DAB1: variants seen among roughly 807,000 people sequenced by gnomAD.
DAB1 encodes the protein disabled homolog 1.
In DAB1, 15 loss-of-function variants were observed where a neutral mutation model predicts 64.6. The ratio of observed to expected loss-of-function variants is 0.23; its 90% CI spans 0.16 to 0.36. The LOEUF (loss-of-function observed/expected upper bound fraction) is 0.36, where lower values mean the gene tolerates loss of function less well. DAB1 is among the 10% of genes least tolerant of loss of function. The probability of loss-of-function intolerance (pLI) is 1.00; values close to 1 mark genes in which losing one functional copy is unlikely to be tolerated. For missense variants in DAB1, 596 were observed against 706.7 expected (o/e 0.84, Z 1.78); for synonymous variants, 235 against 251.9 (o/e 0.93, Z 0.64).
At chr1:57,455,782 G>T (rs370361710) in intron 7 of DAB1, among the ~76,000 whole-genome samples, 1 of 152,054 alleles carries the variant, frequency 6.6e-6, no homozygotes, top group African/African-American at 2.4e-5. Context: ...AAAGAGAAAA[G>T]ACCCTCTCTC....
rs11805433 is a variant in DAB1 at position 57,929,489 on chromosome 1, G to T, written n.388-45327C>A. Reference sequence around the variant, plus strand: ...TCTTTCTTTTGTAAACCATGTCTTTGCTGTCACAGCTAAAATGTCATTGCC... The same window carrying T: ...TCTTTCTTTTGTAAACCATGTCTTTTCTGTCACAGCTAAAATGTCATTGCC... On this transcript the variant is annotated intron_variant and non_coding_transcript_variant, in intron 5 of 20. Transcript: ENST00000485760. 6.5e-3 allele frequency among the ~76,000 whole-genome samples: 989 copies of T among 152,212 alleles called. 8 individuals are homozygous for T. The highest frequency in any genetic ancestry group is 0.023 in the African/African-American group (935 of 41,538).
chr1:57,980,478 T>G (rs185592888), intron 5 of DAB1, among the ~76,000 whole-genome samples: 50 of 152,276 alleles, frequency 3.3e-4, no homozygotes, highest in African/African-American at 1.1e-3. Flanking sequence ...CACCAATTAG[T>G]AAATGGAAGA....
At chr1:58,060,795 C>G (rs899035424) in intron 5 of DAB1, among the ~76,000 whole-genome samples, 17 of 152,240 alleles carry the variant, frequency 1.1e-4, no homozygotes, top group Admixed American at 9.8e-4. Context: ...AACATTAGCC[C>G]GAGCAGTGTC....
intron 1 of DAB1, among the ~76,000 whole-genome samples, chr1:57,410,189 G>A (rs376975678): frequency 2.6e-5 from 4 of 152,166 alleles, no homozygotes; most frequent in East Asian, 3.9e-4. Flanking sequence ...ATGTCTCAAT[G>A]TAGAAAACTC....
At chr1:58,220,032 A>T (rs550840128) in intron 4 of DAB1, among the ~76,000 whole-genome samples, 1 of 152,372 alleles carries the variant, frequency 6.6e-6, no homozygotes, top group African/African-American at 2.4e-5. Context: ...ATTAAATGAG[A>T]TAACAGAAGT....
chr1:58,269,158 TC>T (rs1557719194), intron 4 of DAB1, among the ~76,000 whole-genome samples: 1 of 116,326 alleles, frequency 8.6e-6, no homozygotes, highest in Admixed American at 8.9e-5. Flanking sequence ...ATGCTATCCC[TC>T]CCCCCTCCCC....
intron 5 of DAB1, among the ~76,000 whole-genome samples, chr1:58,013,454 C>T (rs1646696872): frequency 6.6e-6 from 1 of 151,282 alleles, no homozygotes; most frequent in African/African-American, 2.4e-5. Flanking sequence ...GCGCCTGAGC[C>T]ACATGCTCCA....
At chr1:57,970,900 T>G (rs1380439802) in intron 5 of DAB1, among the ~76,000 whole-genome samples, 18 of 152,276 alleles carry the variant, frequency 1.2e-4, no homozygotes, top group Non-Finnish European at 1.6e-4. Context: ...ATTGACTATG[T>G]AGATTGAAAA....
intron 5 of DAB1, among the ~76,000 whole-genome samples, chr1:57,973,938 C>T (rs1395907249): frequency 4.6e-5 from 7 of 152,096 alleles, no homozygotes; most frequent in Non-Finnish European, 8.8e-5. Context: ...CCCAAAATGG[C>T]TACTCAATTT....
intron 3 of DAB1, among the ~76,000 whole-genome samples, chr1:58,371,077 A>G (rs914571413): frequency 4.6e-5 from 7 of 152,224 alleles, no homozygotes; most frequent in African/African-American, 1.7e-4. Flanking sequence ...ACAGTTTGGA[A>G]GGCTCAGAAG....
chr1:57,872,386 T>TA (rs1181103674), intron 1 of DAB1, among the ~76,000 whole-genome samples: 1 of 152,168 alleles, frequency 6.6e-6, no homozygotes, highest in Non-Finnish European at 1.5e-5. Flanking sequence ...GTGAGAGGTA[T>TA]ATCTATGAAC....
chr1:57,630,850 T>A (rs572510168), intron 7 of DAB1, among the ~76,000 whole-genome samples: 37 of 152,322 alleles, frequency 2.4e-4, no homozygotes, highest in African/African-American at 8.7e-4. Flanking sequence ...ACAATTTAAT[T>A]ATTCAAATTA....
chr1:58,180,281 C>CTTTTT (rs869204611), intron 4 of DAB1, among the ~76,000 whole-genome samples: 1,116 of 61,012 alleles, frequency 0.018, 3 homozygotes, highest in African/African-American at 0.027. Flanking sequence ...TTTTTCTTTT[C>CTTTTT]TTTTTTTTTT....
intron 5 of DAB1, among the ~76,000 whole-genome samples, chr1:57,962,156 C>T (rs1409343962): frequency 1.3e-5 from 2 of 152,072 alleles, no homozygotes; most frequent in African/African-American, 4.8e-5. Context: ...GAGCAAGTTA[C>T]TTAACCTCAC....
At chr1:57,404,630 G>A (rs962665278) in intron 1 of DAB1, among the ~76,000 whole-genome samples, 2 of 152,074 alleles carry the variant, frequency 1.3e-5, no homozygotes, top group South Asian at 2.1e-4. Context: ...AAACAAGGAA[G>A]AAGGAATTTC....
intron 7 of DAB1, among the ~76,000 whole-genome samples, chr1:57,612,867 G>A (rs1057505833): frequency 2.6e-5 from 4 of 151,942 alleles, no homozygotes; most frequent in Non-Finnish European, 5.9e-5. Context: ...GATCATAGGA[G>A]GCATTAAAAA....
At chr1:57,610,869 C>T (rs1278262956) in intron 7 of DAB1, among the ~76,000 whole-genome samples, 1 of 152,132 alleles carries the variant, frequency 6.6e-6, no homozygotes, top group Non-Finnish European at 1.5e-5. Context: ...GGGACACAGC[C>T]AAACCATATC....
intron 5 of DAB1, among the ~76,000 whole-genome samples, chr1:58,108,182 A>G (rs892127244): frequency 6.6e-6 from 1 of 152,188 alleles, no homozygotes; most frequent in East Asian, 1.9e-4. Context: ...GAGCTTTAGT[A>G]AAATAATTCT....
At chr1:57,432,910 G>T (rs542212560) in intron 7 of DAB1, among the ~76,000 whole-genome samples, 2 of 152,244 alleles carry the variant, frequency 1.3e-5, no homozygotes, top group African/African-American at 4.8e-5. Context: ...TAAATTCAGA[G>T]AGGTTAAATT....
Sources: allele counts gnomAD v4.1 joint callset (sites outside exome capture counted in the v4.1 genomes callset), GRCh38; gene constraint gnomAD v4.1.1; transcripts MANE v1.5; gene names NCBI Gene and HGNC (gene_info 2026-07-23, HGNC 2026-07-21).